Variants in CAPN7 observed in about 807,000 individuals in gnomAD.
The protein encoded by CAPN7 is calpain-7.
Under a neutral mutation model 115.2 loss-of-function variants are expected in CAPN7, and 72 were observed. That is an observed-to-expected ratio of 0.63 (90% CI 0.52 to 0.76). The LOEUF (loss-of-function observed/expected upper bound fraction) is 0.76, where lower values mean the gene tolerates loss of function less well. CAPN7 is among the 30% of genes least tolerant of loss of function. The pLI, the probability that CAPN7 is intolerant of heterozygous loss-of-function variation, is 0.00. For synonymous variants in CAPN7, 344 were observed against 322.3 expected, an observed-to-expected ratio of 1.07 and a Z score of -0.72; for missense variants, 905 against 971.5, an observed-to-expected ratio of 0.93 and a Z score of 0.91.
In CAPN7 at chr3:15,220,940, A is replaced by C. The variant is rs145280551; in HGVS notation, c.597A>C (p.Ala199=). The C allele has an allele frequency of 1.3e-4, 205 of 1,614,026 alleles. No individual in the cohort carries two copies. The highest frequency in any genetic ancestry group is 1.7e-4 in the Non-Finnish European group (196 of 1,179,984). Reference sequence around the variant, plus strand: ...TTATAAGTCCTCAGTCATGTGATGCACAAGGACAGAGATACACAGCAGAAG... The same window carrying C: ...TTATAAGTCCTCAGTCATGTGATGCCCAAGGACAGAGATACACAGCAGAAG... ...QSFISPQSCD[A]QGQRYTAEEI... is the part of the protein sequence containing the mutation. The change falls in exon 5 of 21, where the codon GCA becomes GCC. Residue 199 remains alanine (A), a synonymous_variant. Transcript: ENST00000253693.
At chr3:15,230,705 T>C (rs1694634479) in intron 9 of CAPN7, among the ~76,000 whole-genome samples, 170 bp downstream of exon 9, 1 of 152,250 alleles carries the variant, frequency 6.6e-6, no homozygotes, top group Non-Finnish European at 1.5e-5. Flanking sequence ...TAAAAATTAA[T>C]TAAAACCATG....
chr3:15,212,229 T>C lies in CAPN7; in HGVS notation c.211+17T>C, dbSNP rs1412319774. ...ATTCAGCAGGTTAGTAAAGGACTAC[T>C]AAACTTGTCACTCTATTTTTTCTTT... is the stretch of plus-strand genomic sequence containing the variant. On this transcript the variant is annotated intron_variant, in intron 2 of 20. Transcript: ENST00000253693. 2.2e-6 allele frequency: 3 copies of C among 1,373,818 alleles called. No individual in the cohort carries two copies. Among genetic ancestry groups the C allele is most frequent in the Middle Eastern group, 1.8e-4 (1 of 5,498 alleles). 85.1% of individuals were successfully genotyped at this position (1,373,818 alleles called of 1,614,324 possible). A position where few individuals can be genotyped will look rare whatever the true frequency, so the allele number is the denominator to read the frequency against.
rs142516176 is a variant in CAPN7 at position 15,244,320 on chromosome 3, C to T, written c.1865-1206C>T. Among the ~76,000 whole-genome samples, 1,150 of 152,260 alleles carry T rather than the reference C, an allele frequency of 7.6e-3. 45 individuals are homozygous for T. The highest frequency in any genetic ancestry group is 0.062 in the Admixed American group (941 of 15,288). On this transcript the variant is annotated intron_variant, in intron 16 of 20. Coordinates refer to ENST00000253693, the MANE Select transcript of CAPN7 (RefSeq NM_014296.3). ...TATCGAGTTAAACTAGCCAAGCTTT[C>T]CTTTTTTTAAAACAATGCTCCATCT...
intron 16 of CAPN7, 38 bp downstream of exon 16, chr3:15,242,291 AC>A: frequency 8.1e-7 from 1 of 1,241,904 alleles, no homozygotes; most frequent in Non-Finnish European, 1.1e-6. Context: ...AAATAAACAT[AC>A]ATAAGATTTT....
At position 15,206,341 on chromosome 3, in the gene CAPN7, A is replaced by C; in HGVS notation, c.-155A>C. 3.5e-6 allele frequency: 2 copies of C among 564,354 alleles called. No individual in the cohort carries two copies. The highest frequency in any genetic ancestry group is 3.1e-6 in the Non-Finnish European group (1 of 325,402). 35.0% of individuals were successfully genotyped at this position (564,354 alleles called of 1,614,324 possible). ...CTTCGCGGTGGACCCCAGCCCGGCA[A>C]CGGGAAGGCGAGCTCTCCTCCACCG... is the stretch of plus-strand genomic sequence containing the variant. On this transcript the variant is annotated 5_prime_UTR_variant, in exon 1 of 21. Transcript: ENST00000253693.
At chr3:15,246,688 TTGTAAG>T (rs764313869) in intron 17 of CAPN7, 38 bp from the exon 18 acceptor site, 1 of 1,335,544 alleles carries the variant, frequency 7.5e-7, no homozygotes, top group Non-Finnish European at 1.1e-6. Flanking sequence ...TTTGATGTTC[TTGTAAG>T]TGTAAAATTT....
At chr3:15,238,830 G>A (rs1049048730) in intron 12 of CAPN7, among the ~76,000 whole-genome samples, 2 of 149,404 alleles carry the variant, frequency 1.3e-5, no homozygotes, top group South Asian at 2.1e-4. Context: ...TTAGAAATTG[G>A]ATGCTTCAGC....
intron 8 of CAPN7, among the ~76,000 whole-genome samples, chr3:15,229,561 CTTTTTTTTTTT>C (rs566957976): frequency 9.1e-4 from 80 of 87,872 alleles, no homozygotes; most frequent in South Asian, 4.2e-3. Flanking sequence ...TACTTTTTTT[CTTTTTTTTTTT>C]TTTTTTTTTT....
At chr3:15,233,997 G>A (rs756244496) in intron 11 of CAPN7, 24 bp downstream of exon 11, 19 of 1,296,518 alleles carry the variant, frequency 1.5e-5, no homozygotes, top group Admixed American at 5.2e-5. Context: ...TTTGTTTTAT[G>A]TGTGTGGTAA....
chr3:15,235,380 C>G (rs1694926644), intron 12 of CAPN7, among the ~76,000 whole-genome samples: 1 of 152,184 alleles, frequency 6.6e-6, no homozygotes, highest in African/African-American at 2.4e-5. Context: ...GCTGTTACAC[C>G]TCTTTGTCTT....
rs867098682 is a variant in CAPN7, at chr3:15,206,367, T to A, written c.-129T>A. ...CGGGAAGGCGAGCTCTCCTCCACCG[T>A]CCAAAGTAAACTTTGCCGCTCCTTC... is the stretch of plus-strand genomic sequence containing the variant. On this transcript the variant is annotated 5_prime_UTR_variant, in exon 1 of 21. Coordinates refer to ENST00000253693, the MANE Select transcript of CAPN7 (RefSeq NM_014296.3). The A allele has an allele frequency of 1.5e-6, 1 of 664,270 alleles. No individual in the cohort carries two copies. The highest frequency in any genetic ancestry group is 3.1e-5 in the East Asian group (1 of 32,646). The allele number at this position is 664,270 out of a possible 1,614,324, so 41.1% of individuals were successfully genotyped here.
At chr3:15,232,770 G>T (rs1261810366) in intron 10 of CAPN7, 105 bp downstream of exon 10, 11 of 951,972 alleles carry the variant, frequency 1.2e-5, no homozygotes, top group Non-Finnish European at 1.5e-5. Flanking sequence ...GGGAAAGAGA[G>T]CAGATTATCA....
intron 5 of CAPN7, 87 bp from the exon 6 acceptor site, chr3:15,223,388 C>T (rs1428379519): frequency 3.7e-6 from 3 of 821,024 alleles, no homozygotes; most frequent in Non-Finnish European, 6.4e-6. Context: ...CAGTATCATA[C>T]CTTGTCATTT....
rs545329451 is a variant in CAPN7 at position 15,214,852 on chromosome 3, A to G, written c.212-2573A>G. 3.8e-4 allele frequency among the ~76,000 whole-genome samples: 58 copies of G among 152,294 alleles called. No homozygotes were observed. In the South Asian group the frequency reaches 0.011, roughly 28 times the overall value. On this transcript the variant is annotated intron_variant, in intron 2 of 20. Coordinates refer to ENST00000253693, the MANE Select transcript of CAPN7 (RefSeq NM_014296.3). Reference sequence around the variant, plus strand: ...GATCAATGGGTCTCAGTAGAAAGCAATTTGCCCCCCAGGGGACATTTGGCA... The same window carrying G: ...GATCAATGGGTCTCAGTAGAAAGCAGTTTGCCCCCCAGGGGACATTTGGCA...
In CAPN7 at chr3:15,251,234, C is replaced by T. The variant is rs202089545; in HGVS notation, c.2416C>T (p.Pro806Ser). 455 of 1,602,508 alleles carry T rather than the reference C, an allele frequency of 2.8e-4. No homozygotes were observed. Among genetic ancestry groups the T allele is most frequent in the Non-Finnish European group, 3.6e-4 (427 of 1,176,758 alleles). ...PFFLDFNSIIPIKITQLQ is the reference protein window; with the variant it reads ...PFFLDFNSIISIKITQLQ ...TTTCTTGGACTTTAATAGTATTATC[C>T]CCATCAAGATCACACAACTTCAGTG... Residue 806 changes from proline to serine, a missense_variant, in exon 21 of 21, where the codon CCC (proline) becomes TCC (serine). By Grantham distance (74) the Pro-to-Ser change is moderately conservative (BLOSUM62 -1). Around this residue, in one of 3 missense-constraint regions of CAPN7, gnomAD observed 620 missense variants for 703.4 expected, o/e 0.88. Transcript: ENST00000253693.
chr3:15,229,529 AT>A (rs2124949501), intron 8 of CAPN7, among the ~76,000 whole-genome samples: 1 of 140,696 alleles, frequency 7.1e-6, no homozygotes, highest in South Asian at 2.3e-4. Context: ...TCGATTTGTG[AT>A]TAAAACATCA....
rs542598410 is a variant in CAPN7 at position 15,227,643 on chromosome 3, A to T, written c.726-196A>T. Among the ~76,000 whole-genome samples, 243 of 152,132 alleles carry T rather than the reference A, an allele frequency of 1.6e-3. 2 individuals are homozygous for T. The highest frequency in any genetic ancestry group is 5.1e-3 in the African/African-American group (213 of 41,538). On this transcript the variant is annotated intron_variant, in intron 6 of 20. Coordinates refer to ENST00000253693, the MANE Select transcript of CAPN7 (RefSeq NM_014296.3). ...TTCTTCTGTTTTCAATTATTTAGGT[A>T]TATTTTTTAATTGGAGGGGATGATC...
At chr3:15,207,377 G>C (rs1220481327) in intron 1 of CAPN7, among the ~76,000 whole-genome samples, 2 of 152,194 alleles carry the variant, frequency 1.3e-5, no homozygotes, top group Non-Finnish European at 1.5e-5. Flanking sequence ...CTGAGTTGGT[G>C]AGTAGTGGTG....
At chr3:15,226,228 A>T (rs542465031) in intron 6 of CAPN7, among the ~76,000 whole-genome samples, 179 of 151,786 alleles carry the variant, frequency 1.2e-3, no homozygotes, top group South Asian at 4.0e-3. Context: ...GGCGCCCACC[A>T]CACGCCCGAC....
Sources: gnomAD v4.1 joint callset for allele counts (sites outside exome capture counted in the v4.1 genomes callset) on GRCh38, gnomAD v4.1.1 for gene constraint, gnomAD v4.1.1 regional missense constraint, MANE v1.5 for transcripts, NCBI Gene and HGNC (gene_info 2026-07-23, HGNC 2026-07-21) for gene names.